OTUD7B: variants seen among roughly 807,000 people sequenced by gnomAD.
OTUD7B encodes the protein OTU deubiquitinase 7B.
A neutral mutation model predicts 82.2 loss-of-function variants in OTUD7B; 34 were observed. That is an observed-to-expected ratio of 0.41 (90% CI 0.31 to 0.55). OTUD7B has a LOEUF of 0.55. Among genes scored for constraint, OTUD7B ranks in the 20% least tolerant of loss-of-function variants. The probability of loss-of-function intolerance (pLI) is 0.20; values close to 1 mark genes in which losing one functional copy is unlikely to be tolerated. For synonymous variants in OTUD7B, 398 were observed against 402.7 expected, an observed-to-expected ratio of 0.99 and a Z score of 0.14; for missense variants, 944 against 1,062.1, an observed-to-expected ratio of 0.89 and a Z score of 1.55.
the OTUD7B span, among the ~76,000 whole-genome samples, chr1:150,031,799 T>C: frequency 1.3e-5 from 2 of 152,194 alleles, no homozygotes; most frequent in African/African-American, 2.4e-5. Flanking sequence ...ATTATTGCTA[T>C]GAGAATTAAA....
chr1:150,059,293 T>TCC, the OTUD7B span, among the ~76,000 whole-genome samples: 18 of 6,586 alleles, frequency 2.7e-3, no homozygotes, highest in Admixed American at 5.2e-3. Flanking sequence ...GACCTCGTGA[T>TCC]CCACCCCCCC....
At chr1:149,990,788 G>A (rs186191364) in intron 1 of OTUD7B, among the ~76,000 whole-genome samples, 6 of 152,206 alleles carry the variant, frequency 3.9e-5, no homozygotes, top group African/African-American at 1.4e-4. Context: ...CTGAGGTCAG[G>A]AGTTTGCGAC....
At chr1:150,018,506 G>A in the OTUD7B span, among the ~76,000 whole-genome samples, 1 of 152,088 alleles carries the variant, frequency 6.6e-6, no homozygotes, top group South Asian at 2.1e-4. Flanking sequence ...GTGTCATACT[G>A]CTTGCTTCCT....
chr1:149,953,040 T>C (rs587614722), intron 7 of OTUD7B, among the ~76,000 whole-genome samples: 1 of 152,342 alleles, frequency 6.6e-6, no homozygotes, highest in African/African-American at 2.4e-5. Flanking sequence ...GTGCAGAAGC[T>C]CTTTAGTTTA....
the OTUD7B span, among the ~76,000 whole-genome samples, chr1:150,049,876 ATTTTCTCATT>A: frequency 6.6e-6 from 1 of 151,800 alleles, no homozygotes; most frequent in Non-Finnish European, 1.5e-5. Flanking sequence ...GCCCAGCCCT[ATTTTCTCATT>A]TTTAAAAAAG....
the OTUD7B span, among the ~76,000 whole-genome samples, chr1:150,033,943 A>G: frequency 5.3e-5 from 8 of 152,046 alleles, no homozygotes; most frequent in African/African-American, 1.2e-4. Flanking sequence ...GATGGACTCA[A>G]TCTCTTGACC....
the OTUD7B span, among the ~76,000 whole-genome samples, chr1:150,025,273 G>C: frequency 1.3e-5 from 2 of 151,576 alleles, no homozygotes; most frequent in Non-Finnish European, 2.9e-5. Context: ...AATACAACTG[G>C]GCATGGTGGC....
the OTUD7B span, among the ~76,000 whole-genome samples, chr1:150,059,048 C>CTTTTTTTTTTT: frequency 1.4e-5 from 2 of 140,996 alleles, no homozygotes; most frequent in African/African-American, 5.3e-5. Flanking sequence ...TTCTTACTTT[C>CTTTTTTTTTTT]TTTTCTTTTT....
the OTUD7B span, among the ~76,000 whole-genome samples, chr1:150,049,629 C>CTCTTTTTTTTTTTTTTT: frequency 1.6e-4 from 7 of 43,468 alleles, 3 homozygotes; most frequent in Non-Finnish European, 2.2e-4. Context: ...CTCTCTCTCT[C>CTCTTTTTTTTTTTTTTT]TTTCTTTTTT....
chr1:150,013,973 C>CACAT (rs1553787952), upstream of OTUD7B, among the ~76,000 whole-genome samples: 3 of 128,308 alleles, frequency 2.3e-5, no homozygotes, highest in South Asian at 2.5e-4. Context: ...CACACACACA[C>CACAT]ATATATATAC....
the OTUD7B span, among the ~76,000 whole-genome samples, chr1:150,036,850 C>A: frequency 6.6e-6 from 1 of 152,016 alleles, no homozygotes. Context: ...ACAACACATA[C>A]ACACACACAA....
At chr1:150,014,241 T>A (rs1338579594), upstream of OTUD7B, among the ~76,000 whole-genome samples, 1 of 144,296 alleles carries the variant, frequency 6.9e-6, no homozygotes, top group African/African-American at 2.6e-5. Context: ...TCTACAAAAA[T>A]AAAAAAAAAT....
intron 1 of OTUD7B, among the ~76,000 whole-genome samples, chr1:149,986,287 T>A (rs2101888463): frequency 6.6e-6 from 1 of 151,192 alleles, no homozygotes; most frequent in South Asian, 2.1e-4. Flanking sequence ...CTGTTGATAG[T>A]CTATCAGTGT....
At chr1:149,955,624 C>G (rs747940989) in intron 7 of OTUD7B, among the ~76,000 whole-genome samples, 10 of 151,892 alleles carry the variant, frequency 6.6e-5, no homozygotes, top group Non-Finnish European at 1.2e-4. Flanking sequence ...GTTGATCTCT[C>G]TAATGTTGAC....
Position 149,964,281 on chromosome 1 carries a change from C to A in OTUD7B, c.673G>T (p.Val225Phe). The A allele has an allele frequency of 1.2e-6, 2 of 1,614,140 alleles. No homozygotes were observed. The highest frequency in any genetic ancestry group is 1.7e-6 in the Non-Finnish European group (2 of 1,180,014). Reference sequence around the variant, plus strand: ...CGCCTTTTCAACGCTTCCTTCTCAACTCCCTTCTCCATCAGTGCATACAAA... The same window carrying A: ...CGCCTTTTCAACGCTTCCTTCTCAAATCCCTTCTCCATCAGTGCATACAAA... ...KALYALMEKGVEKEALKRRWR... is the reference protein window; with the variant it reads ...KALYALMEKGFEKEALKRRWR... The change falls in exon 6 of 12, where the codon GTT (valine) becomes TTT (phenylalanine). Residue 225 changes from valine to phenylalanine, a missense_variant. By Grantham distance (50) the Val-to-Phe change is conservative. Transcript: ENST00000581312.
intron 7 of OTUD7B, among the ~76,000 whole-genome samples, 199 bp downstream of exon 7, chr1:149,959,485 C>A (rs1229785153): frequency 6.6e-6 from 1 of 152,152 alleles, no homozygotes; most frequent in Non-Finnish European, 1.5e-5. Context: ...TCTAGATGGG[C>A]TACTTTATAT....
chr1:149,965,151 CCA>C (rs1455701120), intron 5 of OTUD7B, among the ~76,000 whole-genome samples: 2 of 152,192 alleles, frequency 1.3e-5, no homozygotes, highest in East Asian at 1.9e-4. Context: ...CCTTGGCCTC[CCA>C]CAGTGTTGGA....
chr1:150,017,091 G>A, the OTUD7B span, among the ~76,000 whole-genome samples: 6 of 152,266 alleles, frequency 3.9e-5, no homozygotes, highest in South Asian at 4.1e-4. Flanking sequence ...TAAGTGAACC[G>A]CTTAATCAAT....
chr1:150,064,932 GA>G, the OTUD7B span, among the ~76,000 whole-genome samples: 1 of 152,222 alleles, frequency 6.6e-6, no homozygotes, highest in South Asian at 2.1e-4. Context: ...TCTGGTGGGG[GA>G]AAATCATGAT....
Sources: gnomAD v4.1 joint callset for allele counts (sites outside exome capture counted in the v4.1 genomes callset) on GRCh38, gnomAD v4.1.1 for gene constraint, MANE v1.5 for transcripts, NCBI Gene and HGNC (gene_info 2026-07-23, HGNC 2026-07-21) for gene names.